Variants in NEK10 observed in about 807,000 individuals in gnomAD.
NEK10 encodes the protein NIMA related kinase 10.
NEK10 carries 122 observed loss-of-function variants against 159.8 expected under a neutral mutation model. That is an observed-to-expected ratio of 0.76 (90% CI 0.66 to 0.89). The LOEUF (loss-of-function observed/expected upper bound fraction) is 0.89, where lower values mean the gene tolerates loss of function less well. NEK10 is among the 40% of genes least tolerant of loss of function. The probability of loss-of-function intolerance (pLI) is 0.00; values close to 1 mark genes in which losing one functional copy is unlikely to be tolerated. For synonymous variants in NEK10, 466 were observed against 457.1 expected, an observed-to-expected ratio of 1.02 and a Z score of -0.25; for missense variants, 1,342 against 1,323.1, an observed-to-expected ratio of 1.01 and a Z score of -0.22.
intron 23 of NEK10, chr3:27,215,993 A>G: frequency 2.1e-6 from 1 of 466,698 alleles, no homozygotes; most frequent in Non-Finnish European, 3.8e-6. Flanking sequence ...AACATACGGG[A>G]TTAAAATTCA....
In NEK10 at chr3:27,174,508, C is replaced by T. The variant is rs1320857491; in HGVS notation, c.2707G>A (p.Asp903Asn). 6.2e-7 allele frequency: 1 copy of T among 1,612,122 alleles called. No individual in the cohort carries two copies. Among genetic ancestry groups the T allele is most frequent in the Non-Finnish European group, 8.5e-7 (1 of 1,179,570 alleles). ...TTATCCGAAATGTCCAATTCATCAT[C>T]TACCTCTGAATATGTATCTGCACAT... ...NAEKDTYSEV[D>N]DELDISDNSS... Residue 903 changes from aspartate to asparagine, a missense_variant, in exon 28 of 36, where the codon GAT (aspartate) becomes AAT (asparagine). Transcript: ENST00000691995.
intron 1 of NEK10, among the ~76,000 whole-genome samples, chr3:27,357,515 G>T (rs978203211): frequency 3.3e-5 from 5 of 152,072 alleles, no homozygotes; most frequent in Admixed American, 1.3e-4. Flanking sequence ...CTGTAATAAA[G>T]AACTCTTTAA....
intron 9 of NEK10, chr3:27,310,709 T>G: frequency 2.6e-6 from 1 of 384,232 alleles, no homozygotes; most frequent in Non-Finnish European, 4.6e-6. Context: ...CTAGTTGGTA[T>G]TAAATGGCAT....
intron 30 of NEK10, among the ~76,000 whole-genome samples, chr3:27,156,076 G>A (rs1945385809): frequency 6.6e-6 from 1 of 152,056 alleles, no homozygotes; most frequent in Admixed American, 6.6e-5. Flanking sequence ...GGGATAATTG[G>A]CTAGCCACAA....
At chr3:27,113,829 C>T (rs1939978406) in intron 35 of NEK10, among the ~76,000 whole-genome samples, 2 of 152,066 alleles carry the variant, frequency 1.3e-5, no homozygotes, top group Non-Finnish European at 2.9e-5. Flanking sequence ...TAAGAGCTTC[C>T]TTAAGTTCCT....
intron 30 of NEK10, among the ~76,000 whole-genome samples, chr3:27,155,436 A>T (rs985077847): frequency 6.6e-6 from 1 of 152,140 alleles, no homozygotes; most frequent in South Asian, 2.1e-4. Context: ...CGGGAGGCGG[A>T]GGTTGCAGTG....
intron 18 of NEK10, 66 bp downstream of exon 18, chr3:27,291,196 C>A: frequency 7.1e-7 from 1 of 1,415,538 alleles, no homozygotes; most frequent in South Asian, 1.3e-5. Flanking sequence ...AATTGAATAT[C>A]GGTGTGCAAG....
At chr3:27,204,301 G>GTTTTTTT (rs567092116) in intron 23 of NEK10, among the ~76,000 whole-genome samples, 13 of 66,324 alleles carry the variant, frequency 2.0e-4, no homozygotes, top group East Asian at 8.9e-4. Flanking sequence ...TTTTGTTGTT[G>GTTTTTTT]TTTTTTTTTT....
chr3:27,196,914 C>G (rs1440990850), intron 25 of NEK10, among the ~76,000 whole-genome samples: 1 of 152,080 alleles, frequency 6.6e-6, no homozygotes, highest in Non-Finnish European at 1.5e-5. Flanking sequence ...TCATTAGCAA[C>G]AAGGCATGAT....
rs1393246598 is a variant in NEK10 at position 27,154,397 on chromosome 3, A to G, written c.2869+8304T>C. Among the ~76,000 whole-genome samples the G allele has an allele frequency of 2.0e-5, 3 of 152,166 alleles. No individual in the cohort carries two copies. In the South Asian group the frequency reaches 6.2e-4, roughly 32 times the overall value. ...CAAAGAATTGGTACCAATCCTTCTG[A>G]CACTATTCCATAAGATAGAGAAAGA... is the stretch of plus-strand genomic sequence containing the variant. On this transcript the variant is annotated intron_variant, in intron 30 of 35. Transcript: ENST00000691995.
chr3:27,253,956 C>T (rs961991790), intron 23 of NEK10, among the ~76,000 whole-genome samples: 11 of 152,162 alleles, frequency 7.2e-5, no homozygotes, highest in African/African-American at 2.4e-4. Context: ...CCCCAGCCCA[C>T]GCCCTGGCAT....
chr3:27,362,541 A>C (rs1337169306), intron 1 of NEK10, among the ~76,000 whole-genome samples: 1 of 151,754 alleles, frequency 6.6e-6, no homozygotes, highest in African/African-American at 2.4e-5. Context: ...AGAGGTAATT[A>C]TATGAGGCAA....
At position 27,107,258 on chromosome 3, in the gene NEK10, A is replaced by C. The variant is rs374683677; in HGVS notation, c.*4014T>G. On this transcript the variant is annotated 3_prime_UTR_variant, in exon 36 of 36. Coordinates refer to ENST00000691995, the MANE Select transcript of NEK10 (RefSeq NM_001394966.1). Reference sequence around the variant, plus strand: ...CAATATCCATCAGACACCCCATGAAACTCATAAAATCTTTCCTGTCCCTCT... The same window carrying C: ...CAATATCCATCAGACACCCCATGAACCTCATAAAATCTTTCCTGTCCCTCT... Among the ~76,000 whole-genome samples the C allele has an allele frequency of 1.8e-3, 279 of 152,170 alleles. 2 individuals carry two copies. The highest frequency in any genetic ancestry group is 6.6e-3 in the African/African-American group (272 of 41,514).
chr3:27,366,230 A>G (rs760308057), intron 1 of NEK10, among the ~76,000 whole-genome samples: 3 of 152,186 alleles, frequency 2.0e-5, no homozygotes, highest in Non-Finnish European at 4.4e-5. Flanking sequence ...GTGCAGAAAG[A>G]TTAAGTTAAC....
intron 30 of NEK10, among the ~76,000 whole-genome samples, chr3:27,161,307 G>T (rs1397136814): frequency 1.3e-5 from 2 of 152,090 alleles, no homozygotes; most frequent in Non-Finnish European, 2.9e-5. Flanking sequence ...ATAGTTTCAG[G>T]CATCTTAATA....
intron 1 of NEK10, among the ~76,000 whole-genome samples, chr3:27,363,277 T>A (rs1263691531): frequency 6.6e-6 from 1 of 152,228 alleles, no homozygotes; most frequent in Non-Finnish European, 1.5e-5. Flanking sequence ...TTGCAGCTTT[T>A]GACAAACAGG....
At chr3:27,143,747 A>G (rs1006099511) in intron 30 of NEK10, among the ~76,000 whole-genome samples, 3 of 152,176 alleles carry the variant, frequency 2.0e-5, no homozygotes, top group African/African-American at 7.2e-5. Context: ...CCCAGGAGCC[A>G]CCACCCATCA....
At chr3:27,302,580 ACT>A (rs1412294055) in intron 12 of NEK10, among the ~76,000 whole-genome samples, 3 of 151,850 alleles carry the variant, frequency 2.0e-5, no homozygotes, top group Non-Finnish European at 4.4e-5. Context: ...TTTTCTGTTT[ACT>A]CAGTACACTT....
chr3:27,207,694 T>G (rs530022493), intron 23 of NEK10, among the ~76,000 whole-genome samples: 8 of 152,302 alleles, frequency 5.3e-5, no homozygotes, highest in Non-Finnish European at 1.0e-4. Context: ...TATTAAAAAG[T>G]ACATTTAGTT....
Sources: allele counts gnomAD v4.1 joint callset (sites outside exome capture counted in the v4.1 genomes callset), GRCh38; gene constraint gnomAD v4.1.1; transcripts MANE v1.5; gene names NCBI Gene and HGNC (gene_info 2026-07-23, HGNC 2026-07-21).